The following PTPN11 variants were observed in gnomAD, a reference collection of about 807,000 sequenced individuals.
PTPN11 encodes protein tyrosine phosphatase non-receptor type 11, also known as tyrosine-protein phosphatase non-receptor type 11.
Under a neutral mutation model 78.8 loss-of-function variants are expected in PTPN11, and 6 were observed. The observed-to-expected ratio is 0.08, with a 90% CI of 0.04 to 0.15. The LOEUF is 0.15. Ranked by LOEUF, PTPN11 falls within the 10% of genes least tolerant of loss-of-function variation. The probability of loss-of-function intolerance (pLI) is 1.00; values close to 1 mark genes in which losing one functional copy is unlikely to be tolerated. For synonymous variants in PTPN11, 221 were observed against 263.5 expected (o/e 0.84, Z 1.56); for missense variants, 386 against 744.8 (o/e 0.52, Z 5.61).
chr12:112,503,112 G>A (rs776371965), intron 14 of PTPN11, among the ~76,000 whole-genome samples: 7 of 152,148 alleles, frequency 4.6e-5, no homozygotes, highest in Non-Finnish European at 4.4e-5. Flanking sequence ...TTAAAGGGTT[G>A]TAAAACAAAA....
At chr12:112,457,435 G>A (rs2038180994) in intron 6 of PTPN11, 2 of 205,116 alleles carry the variant, frequency 9.8e-6, no homozygotes, top group Non-Finnish European at 1.0e-5. Context: ...CATTTGGGTT[G>A]GTTCCAAGTC....
chr12:112,455,415 A>G (rs1032201926), intron 5 of PTPN11, among the ~76,000 whole-genome samples: 1 of 151,386 alleles, frequency 6.6e-6, no homozygotes, highest in African/African-American at 2.4e-5. Flanking sequence ...TTGTATTTTT[A>G]GTAGAGATGG....
At position 112,506,400 on chromosome 12, in the gene PTPN11, A is replaced by C. The variant is rs1462763951; in HGVS notation, c.*608A>C. ...GGCATTAAAGAGTCATAGAAAAAGA[A>C]TCATGGATATTTATGAATTAAGGTA... On this transcript the variant is annotated 3_prime_UTR_variant, in exon 16 of 16. Transcript: ENST00000351677. 6.6e-6 allele frequency: 1 copy of C among 151,704 alleles called. No homozygotes were observed. Among genetic ancestry groups the C allele is most frequent in the Non-Finnish European group, 1.5e-5 (1 of 67,970 alleles). 9.4% of individuals were successfully genotyped at this position (151,704 alleles called of 1,614,324 possible).
chr12:112,506,982 ATGATGATGATGG>A lies in PTPN11; in HGVS notation c.*1192_*1203del, dbSNP rs2038944067. On this transcript the variant is annotated 3_prime_UTR_variant, in exon 16 of 16. Coordinates refer to ENST00000351677, the MANE Select transcript of PTPN11 (RefSeq NM_002834.5). ...GATGATGATGATGATGATGATGATG[ATGATGATGATGG>A]TTTTTTCTAATCAGAAGAAAGCTGG... 2 of 259,232 alleles carry A rather than the reference ATGATGATGATGG, an allele frequency of 7.7e-6. No individual in the cohort carries two copies. The highest frequency in any genetic ancestry group is 3.5e-5 in the Admixed American group (1 of 28,802). The allele number at this position is 259,232 out of a possible 1,614,324, so 16.1% of individuals were successfully genotyped here.
intron 1 of PTPN11, among the ~76,000 whole-genome samples, chr12:112,425,302 G>C (rs939761739): frequency 9.2e-5 from 14 of 152,026 alleles, no homozygotes; most frequent in Admixed American, 9.2e-4. Flanking sequence ...CACTTTTCAA[G>C]AATTTAACTT....
Position 112,419,060 on chromosome 12 carries a change from C to T in PTPN11, c.-52C>T, listed in dbSNP as rs1424434395. 1.3e-6 allele frequency: 2 copies of T among 1,534,034 alleles called. No individual in the cohort carries two copies. Among genetic ancestry groups the T allele is most frequent in the Non-Finnish European group, 1.7e-6 (2 of 1,142,894 alleles). The stretch of plus-strand genomic sequence containing the variant: ...GCCAGCCCGATGTGACCGAGCCCAG[C>T]GGAGCCTGAGCAAGGAGCGGGTCCG... On this transcript the variant is annotated 5_prime_UTR_variant, in exon 1 of 16. Coordinates refer to ENST00000351677, the MANE Select transcript of PTPN11 (RefSeq NM_002834.5).
At chr12:112,444,020 G>A (rs2037950248) in intron 1 of PTPN11, among the ~76,000 whole-genome samples, 1 of 151,870 alleles carries the variant, frequency 6.6e-6, no homozygotes, top group African/African-American at 2.4e-5. Context: ...TGAACTCCTG[G>A]GCTCAAGTGA....
intron 6 of PTPN11, among the ~76,000 whole-genome samples, chr12:112,471,429 G>A (rs1024285556): frequency 1.4e-5 from 2 of 144,040 alleles, no homozygotes; most frequent in East Asian, 2.0e-4. Flanking sequence ...CTGGAGTGCC[G>A]TGGCTCCATC....
chr12:112,470,988 A>T (rs2038406264), intron 6 of PTPN11, among the ~76,000 whole-genome samples: 1 of 152,242 alleles, frequency 6.6e-6, no homozygotes, highest in Non-Finnish European at 1.5e-5. Context: ...ACCTGAGCTC[A>T]TTAAAAAAAA....
chr12:112,486,426 C>T, intron 10 of PTPN11, 49 bp from the exon 11 acceptor site: 1 of 1,548,314 alleles, frequency 6.5e-7, no homozygotes, highest in Non-Finnish European at 8.9e-7. Context: ...GATTCCTCAA[C>T]CTCTTGATTT....
intron 1 of PTPN11, among the ~76,000 whole-genome samples, chr12:112,442,877 T>TATATATATATAA (rs1415088606): frequency 5.7e-5 from 4 of 70,124 alleles, no homozygotes; most frequent in African/African-American, 1.4e-4. Flanking sequence ...TATATATATA[T>TATATATATATAA]AAATTATATA....
At chr12:112,440,487 A>G (rs2037868865) in intron 1 of PTPN11, among the ~76,000 whole-genome samples, 2 of 148,614 alleles carry the variant, frequency 1.3e-5, no homozygotes, top group African/African-American at 5.0e-5. Flanking sequence ...GATGGTCTCA[A>G]TCTCCTGACC....
intron 3 of PTPN11, 149 bp from the exon 4 acceptor site, chr12:112,453,046 T>TG: frequency 1.4e-6 from 1 of 694,948 alleles, no homozygotes; most frequent in East Asian, 2.7e-5. Flanking sequence ...GCAGATTTTC[T>TG]GTCTCAGGTG....
chr12:112,419,829 T>C (rs1003249908), intron 1 of PTPN11, among the ~76,000 whole-genome samples: 15 of 152,192 alleles, frequency 9.9e-5, no homozygotes, highest in African/African-American at 3.6e-4. Flanking sequence ...ACCCGTTTTA[T>C]GGATGAGGAA....
intron 1 of PTPN11, among the ~76,000 whole-genome samples, chr12:112,429,372 T>C: frequency 6.6e-6 from 1 of 152,134 alleles, no homozygotes. Flanking sequence ...AATAATACAG[T>C]TTATGTAATA....
At chr12:112,487,098 C>T (rs1349679318) in intron 11 of PTPN11, among the ~76,000 whole-genome samples, 1 of 150,286 alleles carries the variant, frequency 6.7e-6, no homozygotes, top group Non-Finnish European at 1.5e-5. Flanking sequence ...TGATTCATCT[C>T]TTTGATTGTG....
chr12:112,442,991 CTATATT>C (rs1489564012), intron 1 of PTPN11, among the ~76,000 whole-genome samples: 14 of 148,930 alleles, frequency 9.4e-5, no homozygotes, highest in African/African-American at 3.4e-4. Context: ...ATATGTGTCT[CTATATT>C]TAAGTTTTGT....
intron 1 of PTPN11, among the ~76,000 whole-genome samples, chr12:112,435,459 G>A (rs1045325772): frequency 2.0e-5 from 3 of 152,150 alleles, no homozygotes; most frequent in African/African-American, 7.2e-5. Flanking sequence ...TGACAGTCAG[G>A]GAACAGATAA....
chr12:112,503,414 C>A (rs185671522), intron 14 of PTPN11, among the ~76,000 whole-genome samples: 1 of 152,258 alleles, frequency 6.6e-6, no homozygotes, highest in East Asian at 1.9e-4. Context: ...GATTTTTAAA[C>A]CCCTGCAGAT....
Sources: allele counts gnomAD v4.1 joint callset (sites outside exome capture counted in the v4.1 genomes callset), GRCh38; gene constraint gnomAD v4.1.1; transcripts MANE v1.5; gene names NCBI Gene and HGNC (gene_info 2026-07-23, HGNC 2026-07-21).